Variants in CACNA2D1 observed in about 807,000 individuals in gnomAD.
The protein encoded by CACNA2D1 is voltage-dependent calcium channel subunit alpha-2/delta-1.
CACNA2D1 carries 53 observed loss-of-function variants against 171.5 expected under a neutral mutation model. That is an observed-to-expected ratio of 0.31 (90% CI 0.25 to 0.39). The LOEUF (loss-of-function observed/expected upper bound fraction) is 0.39, where lower values mean the gene tolerates loss of function less well. CACNA2D1 is among the 10% of genes least tolerant of loss of function. The probability of loss-of-function intolerance (pLI) is 1.00; values close to 1 mark genes in which losing one functional copy is unlikely to be tolerated. For synonymous variants in CACNA2D1, 442 were observed against 443.1 expected (o/e 1.00, Z 0.03); for missense variants, 903 against 1,299.8 (o/e 0.69, Z 4.69).
chr7:82,063,175 A>T (rs1325995093), intron 9 of CACNA2D1, among the ~76,000 whole-genome samples: 1 of 152,164 alleles, frequency 6.6e-6, no homozygotes, highest in African/African-American at 2.4e-5. Flanking sequence ...CAAGTTTGGG[A>T]TATAAATTTG....
intron 1 of CACNA2D1, among the ~76,000 whole-genome samples, chr7:82,391,859 G>A (rs1219409842): frequency 2.6e-5 from 4 of 152,178 alleles, no homozygotes; most frequent in Non-Finnish European, 1.5e-5. Flanking sequence ...GGATGTGTAT[G>A]GTTCCAAGAT....
intron 3 of CACNA2D1, among the ~76,000 whole-genome samples, chr7:82,286,898 A>G (rs1291706715): frequency 1.3e-5 from 2 of 152,110 alleles, no homozygotes; most frequent in Non-Finnish European, 2.9e-5. Flanking sequence ...CTTGGAACAC[A>G]TTTAACTTAT....
At chr7:82,277,750 A>AT (rs374936775) in intron 3 of CACNA2D1, among the ~76,000 whole-genome samples, 2,217 of 140,492 alleles carry the variant, frequency 0.016, 33 homozygotes, top group African/African-American at 0.035. Flanking sequence ...TTTTACTTTT[A>AT]TTTTTTTTTT....
intron 21 of CACNA2D1, among the ~76,000 whole-genome samples, chr7:81,987,961 GA>G: frequency 1.3e-5 from 2 of 152,250 alleles, no homozygotes; most frequent in South Asian, 2.1e-4. Flanking sequence ...ATGAACTCGA[GA>G]AAAGAACATT....
At chr7:82,020,696 A>G (rs554501452) in intron 12 of CACNA2D1, 2 of 152,216 alleles carry the variant, frequency 1.3e-5, no homozygotes, top group South Asian at 4.1e-4. Context: ...AAATTTGGTG[A>G]GCTTTATCAT....
intron 10 of CACNA2D1, among the ~76,000 whole-genome samples, chr7:82,058,943 C>T (rs1422021640): frequency 2.0e-5 from 3 of 152,082 alleles, no homozygotes; most frequent in African/African-American, 7.2e-5. Context: ...TCTTAGGCCG[C>T]GATACACCAC....
intron 3 of CACNA2D1, among the ~76,000 whole-genome samples, chr7:82,318,374 A>T (rs1325819121): frequency 6.6e-6 from 1 of 152,208 alleles, no homozygotes; most frequent in East Asian, 1.9e-4. Context: ...ATACTCACTT[A>T]TGAGTATAAA....
At chr7:82,131,034 C>A (rs566903915) in intron 5 of CACNA2D1, among the ~76,000 whole-genome samples, 2 of 152,080 alleles carry the variant, frequency 1.3e-5, no homozygotes, top group South Asian at 4.2e-4. Context: ...GATCTCTTGA[C>A]CTCGTGATCT....
chr7:82,175,796 T>G (rs1796489722), intron 3 of CACNA2D1, among the ~76,000 whole-genome samples: 1 of 152,032 alleles, frequency 6.6e-6, no homozygotes, highest in South Asian at 2.1e-4. Flanking sequence ...TACTTGGCAT[T>G]CTACATATCT....
chr7:82,278,326 C>G lies in CACNA2D1; in HGVS notation c.294+56809G>C, dbSNP rs190984360. Among the ~76,000 whole-genome samples the G allele has an allele frequency of 2.0e-5, 3 of 152,164 alleles. No homozygotes were observed. The East Asian group carries it at 5.8e-4, about 29-fold the overall frequency. Reference sequence around the variant, plus strand: ...GGGCGCAGTGGCTCATGCCTGTAATCCCAGCACTTTGGGAGGCCAAGGCAG... The same window carrying G: ...GGGCGCAGTGGCTCATGCCTGTAATGCCAGCACTTTGGGAGGCCAAGGCAG... On this transcript the variant is annotated intron_variant, in intron 3 of 38. Coordinates refer to ENST00000356860, the MANE Select transcript of CACNA2D1 (RefSeq NM_000722.4).
chr7:82,358,554 G>T (rs2190235), intron 1 of CACNA2D1, among the ~76,000 whole-genome samples: 133,450 of 152,170 alleles, frequency 0.88, 58,795 homozygotes, highest in African/African-American at 0.97. Flanking sequence ...CTGTAAGAAA[G>T]GCAGAAAAGG....
chr7:82,161,173 T>G (rs1449670544), intron 4 of CACNA2D1, among the ~76,000 whole-genome samples: 1 of 152,042 alleles, frequency 6.6e-6, no homozygotes, highest in Non-Finnish European at 1.5e-5. Flanking sequence ...TTGAGATTTT[T>G]CTTTGTATCC....
intron 5 of CACNA2D1, among the ~76,000 whole-genome samples, chr7:82,121,862 T>C (rs888172433): frequency 9.8e-5 from 15 of 152,288 alleles, no homozygotes; most frequent in Admixed American, 5.2e-4. Context: ...AAAAATATTG[T>C]AACTCCTTAG....
At chr7:82,033,065 C>G (rs1009079477) in intron 11 of CACNA2D1, 164 bp from the exon 12 acceptor site, 4 of 546,598 alleles carry the variant, frequency 7.3e-6, no homozygotes, top group South Asian at 2.2e-5. Context: ...AGGCCCACCC[C>G]CTTCACCAGG....
chr7:82,195,847 A>C (rs528578590), intron 3 of CACNA2D1, among the ~76,000 whole-genome samples: 103 of 152,092 alleles, frequency 6.8e-4, no homozygotes, highest in Non-Finnish European at 1.0e-3. Flanking sequence ...GGGAGGATAG[A>C]TAATGGCAGA....
intron 6 of CACNA2D1, among the ~76,000 whole-genome samples, chr7:82,085,172 C>T (rs1458864734): frequency 6.6e-6 from 1 of 152,044 alleles, no homozygotes; most frequent in African/African-American, 2.4e-5. Context: ...TGACAGTGTC[C>T]CTACTGACAT....
chr7:82,266,586 G>C lies in CACNA2D1; in HGVS notation c.294+68549C>G, dbSNP rs546975723. On this transcript the variant is annotated intron_variant, in intron 3 of 38. Coordinates refer to ENST00000356860, the MANE Select transcript of CACNA2D1 (RefSeq NM_000722.4). The stretch of plus-strand genomic sequence containing the variant: ...GGCTGGAGTGCAATGGTGTGATCTC[G>C]GCTCACTGCAACCTCCGCCTCCCGG... Among the ~76,000 whole-genome samples the C allele has an allele frequency of 6.0e-5, 9 of 151,166 alleles. No individual in the cohort carries two copies. In the South Asian group the frequency reaches 6.3e-4, roughly 11 times the overall value.
Position 82,203,006 on chromosome 7 carries a change from T to A in CACNA2D1, c.295-32397A>T, listed in dbSNP as rs1056282910. ...TCCCCAGAGCAGCACTTCCAGAAAA[T>A]GCCCAAGCGGGAGAAGGACATTGCT... On this transcript the variant is annotated intron_variant, in intron 3 of 38. Coordinates refer to ENST00000356860, the MANE Select transcript of CACNA2D1 (RefSeq NM_000722.4). Among the ~76,000 whole-genome samples the A allele has an allele frequency of 2.0e-5, 3 of 152,026 alleles. No individual in the cohort carries two copies. The East Asian group carries it at 5.8e-4, about 29-fold the overall frequency.
Position 82,089,852 on chromosome 7 carries a change from TAA to T in CACNA2D1, c.527-4954_527-4953del, listed in dbSNP as rs151329922. ...CTATTGCTCCCTCTTAAGTTTGAAT[TAA>T]GTTTGTATTAAGTTTGAATACATTT... On this transcript the variant is annotated intron_variant, in intron 6 of 38. Coordinates refer to ENST00000356860, the MANE Select transcript of CACNA2D1 (RefSeq NM_000722.4). Among the ~76,000 whole-genome samples, 1,104 of 152,294 alleles carry T rather than the reference TAA, an allele frequency of 7.2e-3. 11 individuals carry two copies. The highest frequency in any genetic ancestry group is 0.025 in the African/African-American group (1,042 of 41,552).
Sources: gnomAD v4.1 joint callset for allele counts (sites outside exome capture counted in the v4.1 genomes callset) on GRCh38, gnomAD v4.1.1 for gene constraint, MANE v1.5 for transcripts, NCBI Gene and HGNC (gene_info 2026-07-23, HGNC 2026-07-21) for gene names.